ODAD2: variants seen among roughly 807,000 people sequenced by gnomAD.
The protein encoded by ODAD2 is outer dynein arm-docking complex subunit 2.
In ODAD2, 89 loss-of-function variants were observed where a neutral mutation model predicts 106.8. The observed-to-expected ratio is 0.83, with a 90% CI of 0.70 to 0.99. The LOEUF (loss-of-function observed/expected upper bound fraction) is 0.99, where lower values mean the gene tolerates loss of function less well. ODAD2 is among the 50% of genes least tolerant of loss of function. The pLI is 0.00. For missense variants in ODAD2, 1,168 were observed against 1,238.5 expected (o/e 0.94, Z 0.85); for synonymous variants, 404 against 436.2 (o/e 0.93, Z 0.92).
intron 19 of ODAD2, among the ~76,000 whole-genome samples, chr10:27,847,180 TACTGGCAA>T (rs924028735): frequency 5.9e-4 from 90 of 152,216 alleles, no homozygotes; most frequent in Admixed American, 1.5e-3. Flanking sequence ...CTCAATAAAA[TACTGGCAA>T]ACTGAATCCA....
chr10:27,852,689 A>G (rs1589826621), intron 19 of ODAD2, among the ~76,000 whole-genome samples: 1 of 152,336 alleles, frequency 6.6e-6, no homozygotes, highest in Admixed American at 6.5e-5. Flanking sequence ...GGCCGGGCAC[A>G]GTGGCTCACG....
At chr10:27,863,368 T>C (rs977321355) in intron 17 of ODAD2, among the ~76,000 whole-genome samples, 1 of 152,054 alleles carries the variant, frequency 6.6e-6, no homozygotes, top group Non-Finnish European at 1.5e-5. Context: ...TTGCTTACAG[T>C]ATGAGAAATG....
At chr10:27,837,045 C>T (rs539433327) in intron 19 of ODAD2, among the ~76,000 whole-genome samples, 8 of 152,190 alleles carry the variant, frequency 5.3e-5, no homozygotes, top group South Asian at 2.1e-4. Flanking sequence ...TTCTGGGACT[C>T]GTAGGAGTGT....
At chr10:27,912,004 A>C (rs79132576) in intron 16 of ODAD2, among the ~76,000 whole-genome samples, 2,450 of 152,306 alleles carry the variant, frequency 0.016, 51 homozygotes, top group African/African-American at 0.048. Flanking sequence ...TGCAAAATAC[A>C]CGTTCAAATT....
chr10:27,887,565 A>C (rs1012038710), intron 17 of ODAD2, among the ~76,000 whole-genome samples: 3 of 152,018 alleles, frequency 2.0e-5, no homozygotes, highest in Admixed American at 6.6e-5. Context: ...TCCAGGATAG[A>C]CCATATATGA....
rs142412128 is a variant in ODAD2 at position 27,970,134 on chromosome 10, A to AAATAAATAAATG, written c.1142+973_1142+974insCATTTATTTATT. 8.2e-3 allele frequency among the ~76,000 whole-genome samples: 1,214 copies of AAATAAATAAATG among 147,364 alleles called. 20 individuals carry two copies. The highest frequency in any genetic ancestry group is 0.014 in the Middle Eastern group (4 of 286). On this transcript the variant is annotated intron_variant, in intron 8 of 19. Transcript: ENST00000305242. ...TAAATAAATAAATAAATAAATAAAT[A>AAATAAATAAATG]AATAAATAAATAAATCTCTAGGTAT...
At chr10:27,914,698 A>T (rs1021483648) in intron 16 of ODAD2, among the ~76,000 whole-genome samples, 1 of 151,942 alleles carries the variant, frequency 6.6e-6, no homozygotes, top group Non-Finnish European at 1.5e-5. Flanking sequence ...GTATATATAT[A>T]TGTGTGTGTA....
intron 19 of ODAD2, chr10:27,853,429 C>A: frequency 4.8e-6 from 1 of 209,418 alleles, no homozygotes. Flanking sequence ...TACTATTATC[C>A]ACTTTAAGTG....
At chr10:27,932,647 T>A (rs996545351) in intron 16 of ODAD2, among the ~76,000 whole-genome samples, 1 of 152,206 alleles carries the variant, frequency 6.6e-6, no homozygotes, top group African/African-American at 2.4e-5. Context: ...GTCTGATATG[T>A]TCATGCAAGC....
intron 16 of ODAD2, among the ~76,000 whole-genome samples, chr10:27,924,923 T>G (rs1845150475): frequency 6.6e-6 from 1 of 151,134 alleles, no homozygotes; most frequent in Admixed American, 6.6e-5. Context: ...ATAGGAGACT[T>G]CTACCAAACC....
At chr10:27,882,173 A>AAAGAGAG (rs1554799031) in intron 17 of ODAD2, among the ~76,000 whole-genome samples, 1 of 109,682 alleles carries the variant, frequency 9.1e-6, no homozygotes, top group Non-Finnish European at 1.8e-5. Flanking sequence ...GTCATAAAAA[A>AAAGAGAG]AAAGAAAGAA....
At chr10:27,850,844 A>T (rs1304999252) in intron 19 of ODAD2, among the ~76,000 whole-genome samples, 1 of 152,228 alleles carries the variant, frequency 6.6e-6, no homozygotes, top group Non-Finnish European at 1.5e-5. Flanking sequence ...ATTGACCCAG[A>T]CTAACTCCAG....
chr10:27,924,640 A>C (rs67654019), intron 16 of ODAD2, among the ~76,000 whole-genome samples: 1 of 140,078 alleles, frequency 7.1e-6, no homozygotes, highest in South Asian at 2.2e-4. Flanking sequence ...AAAAAAAAAA[A>C]CAGAAGAAAG....
chr10:27,891,138 G>A (rs1469443107), intron 17 of ODAD2, among the ~76,000 whole-genome samples: 2 of 152,226 alleles, frequency 1.3e-5, no homozygotes, highest in South Asian at 2.1e-4. Context: ...GTTAAACAGA[G>A]GGTGATGTCA....
intron 17 of ODAD2, among the ~76,000 whole-genome samples, chr10:27,895,706 T>C (rs1352105200): frequency 2.0e-5 from 3 of 152,208 alleles, no homozygotes; most frequent in African/African-American, 7.2e-5. Context: ...ACAATACCTT[T>C]TCATCATCAC....
chr10:27,981,019 T>C (rs1259456499), intron 7 of ODAD2, among the ~76,000 whole-genome samples: 2 of 152,188 alleles, frequency 1.3e-5, no homozygotes, highest in East Asian at 3.8e-4. Flanking sequence ...TGATACATGC[T>C]ATAGCATGGA....
At chr10:27,993,964 A>G (rs1437212947) in intron 2 of ODAD2, among the ~76,000 whole-genome samples, 1 of 101,528 alleles carries the variant, frequency 9.8e-6, no homozygotes, top group Non-Finnish European at 2.0e-5. Flanking sequence ...TGGCAAATAT[A>G]TATATATATA....
At chr10:27,832,876 A>C (rs1837592033) in intron 19 of ODAD2, among the ~76,000 whole-genome samples, 1 of 152,210 alleles carries the variant, frequency 6.6e-6, no homozygotes, top group Non-Finnish European at 1.5e-5. Context: ...GCAGCTACTG[A>C]GAAAATTATC....
intron 9 of ODAD2, among the ~76,000 whole-genome samples, chr10:27,962,418 GT>G (rs1318523303): frequency 6.6e-6 from 1 of 152,192 alleles, no homozygotes; most frequent in Non-Finnish European, 1.5e-5. Flanking sequence ...ATTCCAGTAA[GT>G]TCAACTGGGC....
Sources: gnomAD v4.1 joint callset for allele counts (sites outside exome capture counted in the v4.1 genomes callset) on GRCh38, gnomAD v4.1.1 for gene constraint, MANE v1.5 for transcripts, NCBI Gene and HGNC (gene_info 2026-07-23, HGNC 2026-07-21) for gene names.